The following ELF1 variants were observed in gnomAD, a reference collection of about 807,000 sequenced individuals.
ELF1 encodes ETS-related transcription factor Elf-1.
In ELF1, 24 loss-of-function variants were observed where a neutral mutation model predicts 59.9. The ratio of observed to expected loss-of-function variants is 0.40; its 90% CI spans 0.29 to 0.56. The LOEUF is 0.56. ELF1 is among the 20% of genes least tolerant of loss of function. The pLI, the probability that ELF1 is intolerant of heterozygous loss-of-function variation, is 0.44. For missense variants in ELF1, 627 were observed against 742.2 expected (o/e 0.84, Z 1.80); for synonymous variants, 248 against 266.2 (o/e 0.93, Z 0.67).
intron 1 of ELF1, among the ~76,000 whole-genome samples, chr13:41,056,941 C>CA (rs1877306666): frequency 1.3e-5 from 2 of 151,914 alleles, no homozygotes; most frequent in Admixed American, 1.3e-4. Flanking sequence ...TTTGGCATGG[C>CA]AAAAAGGAAG....
chr13:40,987,806 A>T (rs1241802538), intron 1 of ELF1, among the ~76,000 whole-genome samples: 1 of 152,142 alleles, frequency 6.6e-6, no homozygotes, highest in Non-Finnish European at 1.5e-5. Flanking sequence ...CTGGAATGCT[A>T]CAGTAACTCT....
At chr13:40,994,391 C>T (rs137898363) in intron 1 of ELF1, among the ~76,000 whole-genome samples, 2 of 152,266 alleles carry the variant, frequency 1.3e-5, no homozygotes, top group African/African-American at 4.8e-5. Context: ...GCCTGTAATC[C>T]CAGGACTCTG....
At chr13:40,993,276 A>C in intron 1 of ELF1, 5 of 1,578,860 alleles carry the variant, frequency 3.2e-6, no homozygotes, top group Non-Finnish European at 4.3e-6. Flanking sequence ...TCTGGTTTCC[A>C]GGCGCTTGAG....
At chr13:41,004,047 GTATT>G (rs1174138098) in intron 1 of ELF1, among the ~76,000 whole-genome samples, 4 of 152,058 alleles carry the variant, frequency 2.6e-5, no homozygotes, top group African/African-American at 9.7e-5. Context: ...TATCAGGCAT[GTATT>G]TATTCCCCCA....
intron 3 of ELF1, among the ~76,000 whole-genome samples, chr13:40,954,628 T>C (rs1871098848): frequency 2.6e-5 from 4 of 152,196 alleles, no homozygotes; most frequent in Admixed American, 2.6e-4. Flanking sequence ...TCGTATTTTT[T>C]TGGTGGAGGC....
In ELF1 at chr13:41,050,566, A is replaced by T. The variant is rs557816894; in HGVS notation, c.-229+10272T>A. 2.9e-4 allele frequency among the ~76,000 whole-genome samples: 44 copies of T among 152,192 alleles called. 2 individuals are homozygous for T. In the South Asian group the frequency reaches 6.0e-3, roughly 21 times the overall value. Reference sequence around the variant, plus strand: ...TTATGATAATTCTCTTTCAAAAAAAATTTTTTTTGAGATGGAGTCTCGCTC... The same window carrying T: ...TTATGATAATTCTCTTTCAAAAAAATTTTTTTTTGAGATGGAGTCTCGCTC... On this transcript the variant is annotated intron_variant, in intron 1 of 1. Transcript: ENST00000405737.
chr13:40,958,145 G>T (rs1452084944), intron 3 of ELF1, among the ~76,000 whole-genome samples: 5 of 152,220 alleles, frequency 3.3e-5, no homozygotes, highest in Admixed American at 3.3e-4. Context: ...GAGAAAGCAT[G>T]TACCAATTTC....
intron 1 of ELF1, among the ~76,000 whole-genome samples, chr13:41,032,024 A>C (rs1876186216): frequency 6.6e-6 from 1 of 152,006 alleles, no homozygotes; most frequent in South Asian, 2.1e-4. Context: ...ATAGCAGTAG[A>C]ATATTTCAGC....
chr13:41,007,625 G>A (rs1417889262), intron 1 of ELF1, among the ~76,000 whole-genome samples: 5 of 152,104 alleles, frequency 3.3e-5, no homozygotes, highest in South Asian at 2.1e-4. Context: ...TTTCTTTGAC[G>A]AATGTTGATT....
At chr13:40,952,746 G>A (rs1870936098) in intron 3 of ELF1, among the ~76,000 whole-genome samples, 1 of 151,990 alleles carries the variant, frequency 6.6e-6, no homozygotes, top group African/African-American at 2.4e-5. Context: ...GTGGAGTATA[G>A]TATATATAAT....
At chr13:40,980,016 C>A (rs1301327720) in intron 2 of ELF1, among the ~76,000 whole-genome samples, 5 of 152,128 alleles carry the variant, frequency 3.3e-5, no homozygotes. Flanking sequence ...ATATCACCAA[C>A]AGCACTGGAT....
intron 1 of ELF1, among the ~76,000 whole-genome samples, chr13:41,042,995 T>C (rs929069181): frequency 2.0e-5 from 3 of 152,216 alleles, no homozygotes; most frequent in African/African-American, 7.2e-5. Flanking sequence ...TGATTGCCAT[T>C]CTAACTGGTG....
At chr13:41,041,658 G>C (rs575749428) in intron 1 of ELF1, among the ~76,000 whole-genome samples, 2 of 151,672 alleles carry the variant, frequency 1.3e-5, no homozygotes, top group Non-Finnish European at 2.9e-5. Context: ...CTGAGCAACA[G>C]AGTGAGACCC....
At chr13:41,027,779 A>G (rs1875997272) in intron 1 of ELF1, among the ~76,000 whole-genome samples, 1 of 152,214 alleles carries the variant, frequency 6.6e-6, no homozygotes, top group Non-Finnish European at 1.5e-5. Flanking sequence ...AAGTGGGGTA[A>G]TGGGCTCAAG....
chr13:40,943,987 C>T, intron 5 of ELF1, 62 bp from the exon 6 acceptor site: 1 of 1,516,928 alleles, frequency 6.6e-7, no homozygotes, highest in Non-Finnish European at 9.0e-7. Context: ...ATGGACAATT[C>T]AGCTATTTTG....
At chr13:41,024,480 T>C (rs1249180389) in intron 1 of ELF1, among the ~76,000 whole-genome samples, 2 of 152,130 alleles carry the variant, frequency 1.3e-5, no homozygotes, top group East Asian at 1.9e-4. Context: ...TGCACCACAA[T>C]GTGGTTATTT....
At chr13:40,939,989 C>T (rs146435633) in intron 8 of ELF1, among the ~76,000 whole-genome samples, 2 of 152,108 alleles carry the variant, frequency 1.3e-5, no homozygotes, top group Non-Finnish European at 2.9e-5. Flanking sequence ...TTTAAATTGT[C>T]TATACAAAGA....
chr13:40,975,535 TG>T (rs1417854157), intron 2 of ELF1, among the ~76,000 whole-genome samples: 1 of 152,250 alleles, frequency 6.6e-6, no homozygotes, highest in African/African-American at 2.4e-5. Context: ...AAAAGTTATT[TG>T]AAGTGTTTTC....
chr13:41,036,385 G>A (rs946306655), intron 1 of ELF1, among the ~76,000 whole-genome samples: 4 of 152,100 alleles, frequency 2.6e-5, no homozygotes, highest in Non-Finnish European at 5.9e-5. Context: ...CAAATGAAAC[G>A]TTTTGGCTAT....
Sources: allele counts gnomAD v4.1 joint callset (sites outside exome capture counted in the v4.1 genomes callset), GRCh38; gene constraint gnomAD v4.1.1; transcripts MANE v1.5; gene names NCBI Gene and HGNC (gene_info 2026-07-23, HGNC 2026-07-21).